The following ABCA13 variants were observed in gnomAD, a reference collection of about 807,000 sequenced individuals.
ABCA13 encodes the protein ATP-binding cassette sub-family A member 13.
A neutral mutation model predicts 478.7 loss-of-function variants in ABCA13; 476 were observed. The observed-to-expected ratio is 0.99, with a 90% CI of 0.92 to 1.07. The LOEUF (loss-of-function observed/expected upper bound fraction) is 1.07, where lower values mean the gene tolerates loss of function less well. Among genes scored for constraint, ABCA13 ranks in the 50% least tolerant of loss-of-function variants. The pLI, the probability that ABCA13 is intolerant of heterozygous loss-of-function variation, is 0.00. For missense variants in ABCA13, 6,060 were observed against 5,910.6 expected, an observed-to-expected ratio of 1.03 and a Z score of -0.83; for synonymous variants, 2,252 against 2,158.9, an observed-to-expected ratio of 1.04 and a Z score of -1.20.
intron 43 of ABCA13, among the ~76,000 whole-genome samples, chr7:48,465,918 A>G (rs1826827280): frequency 6.6e-6 from 1 of 152,062 alleles, no homozygotes; most frequent in Admixed American, 6.6e-5. Flanking sequence ...ACTTATGTAT[A>G]TTTGTTAATT....
chr7:48,198,217 T>C lies in ABCA13; in HGVS notation c.164-20T>C. On this transcript the variant is annotated intron_variant, in intron 2 of 61. Transcript: ENST00000435803. Reference sequence around the variant, plus strand: ...GGTAGCAGGTATACGGACTCATTTCTTCTTTGCATCTATTTCTAGGTTATT... The same window carrying C: ...GGTAGCAGGTATACGGACTCATTTCCTCTTTGCATCTATTTCTAGGTTATT... The C allele has an allele frequency of 6.2e-7, 1 of 1,607,458 alleles. No homozygotes were observed. Among genetic ancestry groups the C allele is most frequent in the South Asian group, 1.1e-5 (1 of 89,104 alleles).
At chr7:48,304,414 G>C (rs1049945891) in intron 23 of ABCA13, among the ~76,000 whole-genome samples, 14 of 152,316 alleles carry the variant, frequency 9.2e-5, no homozygotes, top group Admixed American at 8.5e-4. Flanking sequence ...TTTCTGCAGT[G>C]GCTGAACTAA....
intron 1 of ABCA13, among the ~76,000 whole-genome samples, chr7:48,181,480 C>T (rs1382571871): frequency 6.6e-6 from 1 of 151,776 alleles, no homozygotes; most frequent in South Asian, 2.1e-4. Flanking sequence ...CAATTTTCTG[C>T]TCTCTTCTTG....
intron 39 of ABCA13, among the ~76,000 whole-genome samples, chr7:48,407,295 A>G (rs1448971518): frequency 1.3e-5 from 2 of 151,752 alleles, no homozygotes; most frequent in Non-Finnish European, 2.9e-5. Context: ...CCAACATGGC[A>G]AAACCCTGTC....
intron 55 of ABCA13, among the ~76,000 whole-genome samples, chr7:48,549,999 C>G (rs948269730): frequency 2.0e-5 from 3 of 151,806 alleles, no homozygotes; most frequent in Non-Finnish European, 2.9e-5. Flanking sequence ...AAATTTTCTC[C>G]CATTCTTTAG....
intron 39 of ABCA13, among the ~76,000 whole-genome samples, chr7:48,406,923 A>ATC (rs1818343344): frequency 6.6e-6 from 1 of 151,848 alleles, no homozygotes; most frequent in Non-Finnish European, 1.5e-5. Flanking sequence ...ATATATATAT[A>ATC]TTGCTCTCTG....
chr7:48,338,481 T>C (rs1277675462), intron 29 of ABCA13, 26 bp downstream of exon 29: 1 of 1,549,848 alleles, frequency 6.5e-7, no homozygotes, highest in South Asian at 1.2e-5. Flanking sequence ...GGCATGGTAG[T>C]GTTCTTCTGC....
intron 20 of ABCA13, among the ~76,000 whole-genome samples, chr7:48,289,215 C>T (rs1798169737): frequency 6.6e-6 from 1 of 151,948 alleles, no homozygotes; most frequent in Non-Finnish European, 1.5e-5. Flanking sequence ...AGCAGGAAGC[C>T]CTGAGCAGTC....
At chr7:48,491,639 T>C (rs1829850980) in intron 48 of ABCA13, among the ~76,000 whole-genome samples, 1 of 152,168 alleles carries the variant, frequency 6.6e-6, no homozygotes, top group African/African-American at 2.4e-5. Context: ...TGCATCATCA[T>C]GGGAAAGGAA....
At chr7:48,404,141 A>C (rs949026827) in intron 39 of ABCA13, 55 of 395,274 alleles carry the variant, frequency 1.4e-4, no homozygotes, top group Non-Finnish European at 2.5e-4. Context: ...ATCATACATG[A>C]TTTCAAGGAA....
chr7:48,274,739 T>C lies in ABCA13; in HGVS notation c.5073T>C (p.Asp1691=). Reference sequence around the variant, plus strand: ...AACAAGTTAGTGTAAACCTAATGGATTTCTTTAAGAATATCAGTAGTGTGG... The same window carrying C: ...AACAAGTTAGTGTAAACCTAATGGACTTCTTTAAGAATATCAGTAGTGTGG... ...QLEQVSVNLM[D]FFKNISSVGT... The change falls in exon 17 of 62, where the codon GAT becomes GAC. Residue 1691 remains aspartate, a synonymous_variant. Transcript: ENST00000435803. 2 of 1,613,988 alleles carry C rather than the reference T, an allele frequency of 1.2e-6. No homozygotes were observed. The highest frequency in any genetic ancestry group is 2.7e-5 in the African/African-American group (2 of 75,058).
chr7:48,324,608 A>G lies in ABCA13; in HGVS notation c.9999+7312A>G, dbSNP rs1428266221. Among the ~76,000 whole-genome samples the G allele has an allele frequency of 2.0e-5, 3 of 152,336 alleles. No individual in the cohort carries two copies. The East Asian group carries it at 5.8e-4, about 29-fold the overall frequency. On this transcript the variant is annotated intron_variant, in intron 27 of 61. Coordinates refer to ENST00000435803, the MANE Select transcript of ABCA13 (RefSeq NM_152701.5). ...TGGTTATGGAATCACATTGAAAAAT[A>G]GTAGCCCAGGGAGGCTAGTTTGCTA...
intron 23 of ABCA13, among the ~76,000 whole-genome samples, chr7:48,300,636 G>C (rs1455871575): frequency 3.9e-5 from 6 of 152,198 alleles, no homozygotes; most frequent in Admixed American, 3.9e-4. Flanking sequence ...TGAGCAGAAG[G>C]AGGCAAATGC....
chr7:48,202,667 G>T (rs1462921598), intron 3 of ABCA13, among the ~76,000 whole-genome samples: 1 of 136,192 alleles, frequency 7.3e-6, no homozygotes. Flanking sequence ...CCCCACCTGA[G>T]CAGCTAGATA....
intron 35 of ABCA13, among the ~76,000 whole-genome samples, chr7:48,381,556 G>A (rs753417353): frequency 9.9e-5 from 15 of 152,068 alleles, no homozygotes; most frequent in South Asian, 2.1e-4. Context: ...GGGGCTCAGC[G>A]TCAACTGCAG....
intron 23 of ABCA13, among the ~76,000 whole-genome samples, chr7:48,303,060 G>T (rs1388181005): frequency 6.6e-6 from 1 of 152,034 alleles, no homozygotes; most frequent in Non-Finnish European, 1.5e-5. Context: ...TCTCATTGTG[G>T]TTTTGATTTG....
intron 48 of ABCA13, 74 bp from the exon 49 acceptor site, chr7:48,506,262 G>A (rs1031958030): frequency 2.9e-5 from 43 of 1,490,540 alleles, no homozygotes; most frequent in African/African-American, 1.4e-4. Context: ...GGGAATCTGC[G>A]TAGCCTGTAG....
intron 35 of ABCA13, among the ~76,000 whole-genome samples, chr7:48,387,513 CTTTACTCTGGGAATATTCAGCAA>C (rs1215998866): frequency 2.0e-5 from 3 of 152,016 alleles, no homozygotes; most frequent in Non-Finnish European, 4.4e-5. Context: ...CAGGGTGGGA[CTTTACTCTGGGAATATTCAGCAA>C]TTATCCAAAA....
chr7:48,195,154 T>C (rs577054898), intron 2 of ABCA13, among the ~76,000 whole-genome samples: 1 of 152,194 alleles, frequency 6.6e-6, no homozygotes, highest in East Asian at 1.9e-4. Context: ...AAACCTAAAG[T>C]AGAACCAAAA....
Sources: allele counts gnomAD v4.1 joint callset (sites outside exome capture counted in the v4.1 genomes callset), GRCh38; gene constraint gnomAD v4.1.1; transcripts MANE v1.5; gene names NCBI Gene and HGNC (gene_info 2026-07-23, HGNC 2026-07-21).